The following RPTOR variants were observed in gnomAD, a reference collection of about 807,000 sequenced individuals.
RPTOR encodes the protein regulatory associated protein of MTOR complex 1, also known as regulatory-associated protein of mTOR.
In RPTOR, 21 loss-of-function variants were observed where a neutral mutation model predicts 169.9. That is an observed-to-expected ratio of 0.12 (90% CI 0.09 to 0.18). The LOEUF is 0.18. RPTOR is among the 10% of genes least tolerant of loss of function. The probability of loss-of-function intolerance (pLI) is 1.00; values close to 1 mark genes in which losing one functional copy is unlikely to be tolerated. For synonymous variants in RPTOR, 732 were observed against 753.2 expected (o/e 0.97, Z 0.46); for missense variants, 1,133 against 1,855.9 (o/e 0.61, Z 7.16).
At chr17:80,877,858 A>G (rs556639857) in intron 13 of RPTOR, among the ~76,000 whole-genome samples, 1 of 152,268 alleles carries the variant, frequency 6.6e-6, no homozygotes, top group African/African-American at 2.4e-5. Flanking sequence ...CCCGCTCCCC[A>G]TCGTGCTCAG....
intron 20 of RPTOR, among the ~76,000 whole-genome samples, chr17:80,898,371 C>G (rs960611728): frequency 1.3e-5 from 2 of 152,270 alleles, no homozygotes; most frequent in Non-Finnish European, 2.9e-5. Flanking sequence ...GCCTTTTCCC[C>G]TTTTTCCTGA....
At chr17:80,637,262 G>A (rs959065415) in intron 2 of RPTOR, among the ~76,000 whole-genome samples, 9 of 152,230 alleles carry the variant, frequency 5.9e-5, no homozygotes, top group African/African-American at 1.9e-4. Context: ...CATGCCCAGC[G>A]TGGCTCTGGG....
chr17:80,918,483 C>T (rs190557119), intron 21 of RPTOR, among the ~76,000 whole-genome samples: 48 of 82,552 alleles, frequency 5.8e-4, no homozygotes, highest in African/African-American at 2.7e-3. Context: ...GTCATAGCCA[C>T]GAGCACCCTC....
chr17:80,612,805 C>G (rs908092806), intron 1 of RPTOR, among the ~76,000 whole-genome samples: 1 of 152,098 alleles, frequency 6.6e-6, no homozygotes, highest in Non-Finnish European at 1.5e-5. Flanking sequence ...GAGGTTGAGG[C>G]TGCAGTGAAC....
In RPTOR at chr17:80,765,419, A is replaced by G. The variant is rs375361329; in HGVS notation, c.830+11234A>G. Among the ~76,000 whole-genome samples the G allele has an allele frequency of 1.1e-4, 16 of 152,230 alleles. No homozygotes were observed. In the East Asian group the frequency reaches 1.5e-3, roughly 15 times the overall value. The stretch of plus-strand genomic sequence containing the variant: ...CTGCTGAGCCACTTACGCTTGTCCA[A>G]CTGTTTCTTAACGTTTGGTTGACAT... On this transcript the variant is annotated intron_variant, in intron 6 of 33. Transcript: ENST00000306801.
chr17:80,922,814 A>G lies in RPTOR; in HGVS notation c.2611A>G (p.Ile871Val), dbSNP rs770875459. The change falls in exon 22 of 34, where the codon ATC becomes GTC. Residue 871 changes from isoleucine to valine, a missense_variant. By Grantham distance (29) the Ile-to-Val change is conservative. Around this residue, in one of 9 missense-constraint regions of RPTOR, gnomAD observed 123 missense variants for 129.0 expected, o/e 0.95. Transcript: ENST00000306801. Reference protein sequence around the residue: ...PASPTNKGVHIHQAGGSPPAS... With the variant: ...PASPTNKGVHVHQAGGSPPAS... ...CAGCCCCACCAACAAGGGCGTGCAC[A>G]TCCACCAGGCGGGGTAAGTGCCGCC... is the stretch of plus-strand genomic sequence containing the variant. The G allele has an allele frequency of 2.5e-6, 4 of 1,576,298 alleles. No homozygotes were observed. The East Asian group carries it at 9.3e-5, about 37-fold the overall frequency.
At chr17:80,578,868 G>A (rs530064228) in intron 1 of RPTOR, among the ~76,000 whole-genome samples, 1 of 152,348 alleles carries the variant, frequency 6.6e-6, no homozygotes, top group South Asian at 2.1e-4. Context: ...GGAAGCAGGA[G>A]GGCATGGGGG....
At chr17:80,909,128 T>C (rs1176950064) in intron 21 of RPTOR, among the ~76,000 whole-genome samples, 199 bp downstream of exon 21, 1 of 152,102 alleles carries the variant, frequency 6.6e-6, no homozygotes, top group African/African-American at 2.4e-5. Context: ...GGGCAGAGGG[T>C]GCTGGATTTA....
intron 2 of RPTOR, among the ~76,000 whole-genome samples, chr17:80,640,815 T>C (rs1290564876): frequency 6.6e-6 from 1 of 152,200 alleles, no homozygotes; most frequent in African/African-American, 2.4e-5. Context: ...CTTCTTCCTC[T>C]GTCCGTGGTT....
chr17:80,908,694 C>T (rs1428854147), intron 20 of RPTOR, 117 bp from the exon 21 acceptor site: 2 of 719,664 alleles, frequency 2.8e-6, no homozygotes, highest in Non-Finnish European at 4.8e-6. Flanking sequence ...CCTGTAACCT[C>T]GGCTCTTTAA....
chr17:80,953,914 C>T lies in RPTOR; in HGVS notation c.3371-3710C>T, dbSNP rs578032387. On this transcript the variant is annotated intron_variant, in intron 28 of 33. Transcript: ENST00000306801. ...GTTGAAAGCCTGTGATCCACCACGG[C>T]GCTCGTGCTTCTGACCTGCTGGGAC... 4.3e-4 allele frequency among the ~76,000 whole-genome samples: 66 copies of T among 152,366 alleles called. No homozygotes were observed. In the Middle Eastern group the frequency reaches 0.017, roughly 39 times the overall value.
intron 3 of RPTOR, among the ~76,000 whole-genome samples, chr17:80,661,742 G>A (rs2065726018): frequency 6.6e-6 from 1 of 151,932 alleles, no homozygotes; most frequent in African/African-American, 2.4e-5. Context: ...TGGCGCATGA[G>A]AGAGTTGCTC....
intron 1 of RPTOR, among the ~76,000 whole-genome samples, chr17:80,621,366 C>T (rs1297127614): frequency 1.3e-5 from 2 of 152,186 alleles, no homozygotes; most frequent in African/African-American, 2.4e-5. Flanking sequence ...TAATTAGCTG[C>T]ATTTGTAGAG....
intron 10 of RPTOR, among the ~76,000 whole-genome samples, chr17:80,841,656 C>T (rs373325432): frequency 9.2e-4 from 129 of 140,688 alleles, no homozygotes; most frequent in Non-Finnish European, 5.3e-4. Context: ...CGGCAGCTCA[C>T]TCTCACCGCG....
At chr17:80,669,794 G>C (rs1054809057) in intron 3 of RPTOR, among the ~76,000 whole-genome samples, 3 of 152,196 alleles carry the variant, frequency 2.0e-5, no homozygotes, top group African/African-American at 7.2e-5. Context: ...CCCCTCTGTG[G>C]ATCATCTCTC....
At chr17:80,757,737 G>A (rs1331332093) in intron 6 of RPTOR, among the ~76,000 whole-genome samples, 1 of 152,034 alleles carries the variant, frequency 6.6e-6, no homozygotes, top group East Asian at 1.9e-4. Context: ...TAAGACTGCT[G>A]AAGAGACGGT....
chr17:80,742,872 A>G (rs2066498480), intron 5 of RPTOR, among the ~76,000 whole-genome samples: 1 of 151,928 alleles, frequency 6.6e-6, no homozygotes. Flanking sequence ...ACACAGAAAC[A>G]TGGACATATA....
intron 11 of RPTOR, among the ~76,000 whole-genome samples, chr17:80,852,482 G>T (rs2067803992): frequency 6.6e-6 from 1 of 152,046 alleles, no homozygotes; most frequent in African/African-American, 2.4e-5. Context: ...TCCTTTCCCA[G>T]CCTCTTAATC....
chr17:80,891,380 C>T (rs2672885), intron 17 of RPTOR, among the ~76,000 whole-genome samples: 109,844 of 151,910 alleles, frequency 0.72, 39,923 homozygotes, highest in African/African-American at 0.76. Context: ...TCACCGTAAG[C>T]GAGAGGCTGT....
Sources: allele counts gnomAD v4.1 joint callset (sites outside exome capture counted in the v4.1 genomes callset), GRCh38; gene constraint gnomAD v4.1.1; regional missense constraint gnomAD v4.1.1; transcripts MANE v1.5; gene names NCBI Gene and HGNC (gene_info 2026-07-23, HGNC 2026-07-21).